Variants in AUTS2 observed in about 807,000 individuals in gnomAD.
AUTS2 encodes autism susceptibility gene 2 protein.
Under a neutral mutation model 112.4 loss-of-function variants are expected in AUTS2, and 17 were observed. The observed-to-expected ratio is 0.15, with a 90% CI of 0.10 to 0.23. The LOEUF (loss-of-function observed/expected upper bound fraction) is 0.23. AUTS2 is among the 10% of genes least tolerant of loss of function. The pLI, the probability that AUTS2 is intolerant of heterozygous loss-of-function variation, is 1.00. For synonymous variants in AUTS2, 751 were observed against 702.7 expected (o/e 1.07, Z -1.09); for missense variants, 1,510 against 1,701.6 (o/e 0.89, Z 1.98).
chr7:70,787,018 T>G, intron 17 of AUTS2, 191 bp from the exon 18 acceptor site: 4 of 683,598 alleles, frequency 5.9e-6, no homozygotes, highest in Non-Finnish European at 1.0e-5. Flanking sequence ...AAAAAAGCTG[T>G]GAGCTACCTC....
At chr7:70,077,223 G>A (rs1478895634) in intron 2 of AUTS2, among the ~76,000 whole-genome samples, 2 of 151,586 alleles carry the variant, frequency 1.3e-5, no homozygotes, top group Non-Finnish European at 2.9e-5. Flanking sequence ...TGGGGATGTT[G>A]TGAGAGAATA....
intron 2 of AUTS2, among the ~76,000 whole-genome samples, chr7:70,018,919 C>A (rs920821707): frequency 2.0e-5 from 3 of 151,950 alleles, no homozygotes; most frequent in Non-Finnish European, 4.4e-5. Context: ...GGGTATATAC[C>A]CAAAGGAATA....
intron 5 of AUTS2, among the ~76,000 whole-genome samples, chr7:70,674,955 A>G (rs1807832847): frequency 6.6e-6 from 1 of 152,152 alleles, no homozygotes; most frequent in Admixed American, 6.5e-5. Flanking sequence ...TTCTCTTACA[A>G]GTGACATAGT....
chr7:69,828,272 T>C (rs1791342905), intron 1 of AUTS2, among the ~76,000 whole-genome samples: 1 of 152,192 alleles, frequency 6.6e-6, no homozygotes, highest in African/African-American at 2.4e-5. Flanking sequence ...AAATCTTGTG[T>C]GGGCACTTCT....
intron 4 of AUTS2, among the ~76,000 whole-genome samples, chr7:70,188,102 G>C (rs778216264): frequency 1.8e-4 from 28 of 152,148 alleles, no homozygotes; most frequent in Non-Finnish European, 3.2e-4. Context: ...TTCATTCATA[G>C]TCATAATACA....
At chr7:70,394,522 T>C (rs897173624) in intron 4 of AUTS2, among the ~76,000 whole-genome samples, 1 of 152,240 alleles carries the variant, frequency 6.6e-6, no homozygotes, top group Non-Finnish European at 1.5e-5. Flanking sequence ...AAAGGCTAGA[T>C]ATCAGCAAAC....
intron 4 of AUTS2, among the ~76,000 whole-genome samples, chr7:70,219,705 G>A (rs934510591): frequency 1.3e-5 from 2 of 151,644 alleles, no homozygotes; most frequent in African/African-American, 4.8e-5. Context: ...TCAAATAGCT[G>A]GGATTACAGG....
Position 70,698,608 on chromosome 7 carries a change from A to G in AUTS2, c.730A>G (p.Ile244Val), listed in dbSNP as rs1232991393. 1.2e-6 allele frequency: 2 copies of G among 1,607,284 alleles called. No individual in the cohort carries two copies. The highest frequency in any genetic ancestry group is 2.7e-5 in the African/African-American group (2 of 74,972). Reference protein sequence around the residue: ...ASSEKLFNTVIVNKDPELGVG... With the variant: ...ASSEKLFNTVVVNKDPELGVG... ...CTCTGAAAAACTCTTCAACACTGTTATTGTAAACAAAGGTAAGACCCATTC... is the reference window on the plus strand; with the variant it reads ...CTCTGAAAAACTCTTCAACACTGTTGTTGTAAACAAAGGTAAGACCCATTC... The change falls in exon 6 of 19, where the codon ATT (isoleucine) becomes GTT (valine). Residue 244 changes from isoleucine (I) to valine (V), a missense_variant. Around this residue, in one of 3 missense-constraint regions of AUTS2, gnomAD observed 535 missense variants for 594.3 expected, o/e 0.90. Coordinates refer to ENST00000342771, the MANE Select transcript of AUTS2 (RefSeq NM_015570.4).
intron 4 of AUTS2, among the ~76,000 whole-genome samples, chr7:70,239,588 A>AT (rs1812500998): frequency 6.6e-6 from 1 of 152,048 alleles, no homozygotes; most frequent in Admixed American, 6.6e-5. Flanking sequence ...GGCACCCACC[A>AT]CCATGCCTGG....
chr7:70,080,335 T>C (rs1293095120), intron 2 of AUTS2, among the ~76,000 whole-genome samples: 1 of 152,224 alleles, frequency 6.6e-6, no homozygotes, highest in African/African-American at 2.4e-5. Context: ...AAACTGTTTA[T>C]ATCATTCATG....
At chr7:69,875,261 T>A (rs1279123819) in intron 1 of AUTS2, among the ~76,000 whole-genome samples, 2 of 152,224 alleles carry the variant, frequency 1.3e-5, no homozygotes, top group African/African-American at 2.4e-5. Context: ...CAGTCTAAGG[T>A]ATCCATTGTG....
intron 1 of AUTS2, among the ~76,000 whole-genome samples, chr7:69,832,155 C>T (rs1023636505): frequency 1.3e-5 from 2 of 152,160 alleles, no homozygotes; most frequent in African/African-American, 4.8e-5. Context: ...CTCCCCATAG[C>T]AATGTTTTGA....
intron 4 of AUTS2, among the ~76,000 whole-genome samples, chr7:70,143,891 G>A (rs866924015): frequency 4.6e-5 from 7 of 152,062 alleles, no homozygotes; most frequent in African/African-American, 1.7e-4. Flanking sequence ...ATGCAGCAAG[G>A]CATAACAGCT....
At chr7:69,616,686 G>A (rs956875062) in intron 1 of AUTS2, among the ~76,000 whole-genome samples, 1 of 152,122 alleles carries the variant, frequency 6.6e-6, no homozygotes, top group Admixed American at 6.5e-5. Flanking sequence ...TTCTTCTTTG[G>A]AGTTTAACAG....
chr7:69,857,962 T>C (rs994583483), intron 1 of AUTS2, among the ~76,000 whole-genome samples: 3 of 152,212 alleles, frequency 2.0e-5, no homozygotes, highest in Non-Finnish European at 4.4e-5. Flanking sequence ...CCAGGTCTAG[T>C]CATTGCCTTA....
intron 6 of AUTS2, among the ~76,000 whole-genome samples, chr7:70,753,316 G>A (rs1322223311): frequency 2.0e-5 from 3 of 152,114 alleles, no homozygotes; most frequent in Non-Finnish European, 4.4e-5. Context: ...GCCCTCAGAG[G>A]TTTGTGATAC....
intron 1 of AUTS2, among the ~76,000 whole-genome samples, chr7:69,795,881 C>T (rs1341973404): frequency 1.3e-5 from 2 of 152,216 alleles, no homozygotes; most frequent in African/African-American, 2.4e-5. Context: ...TTACGTGGCT[C>T]GTTATAAACC....
chr7:70,321,940 T>C (rs1376140367), intron 4 of AUTS2, among the ~76,000 whole-genome samples: 1 of 152,182 alleles, frequency 6.6e-6, no homozygotes, highest in Non-Finnish European at 1.5e-5. Flanking sequence ...ACTTACTTGG[T>C]CAGTCCAAGT....
intron 1 of AUTS2, among the ~76,000 whole-genome samples, chr7:69,724,276 A>T (rs1372800597): frequency 2.0e-5 from 3 of 152,242 alleles, no homozygotes; most frequent in Non-Finnish European, 2.9e-5. Context: ...CTTTTTAACG[A>T]TTTCATTAGC....
Sources: allele counts gnomAD v4.1 joint callset (sites outside exome capture counted in the v4.1 genomes callset), GRCh38; gene constraint gnomAD v4.1.1; regional missense constraint gnomAD v4.1.1; transcripts MANE v1.5; gene names NCBI Gene and HGNC (gene_info 2026-07-23, HGNC 2026-07-21).